Variants in RBFOX1 observed in about 807,000 individuals in gnomAD.
RBFOX1 encodes the protein RNA binding protein fox-1 homolog 1.
In RBFOX1, 8 loss-of-function variants were observed where a neutral mutation model predicts 57.7. The ratio of observed to expected loss-of-function variants is 0.14; its 90% confidence interval spans 0.08 to 0.25. The LOEUF (loss-of-function observed/expected upper bound fraction) is 0.25. Among genes scored for constraint, RBFOX1 ranks in the 10% least tolerant of loss-of-function variants. The pLI is 1.00. For missense variants in RBFOX1, 611 were observed against 548.5 expected, an observed-to-expected ratio of 1.11 and a Z score of -1.14; for synonymous variants, 326 against 222.4, an observed-to-expected ratio of 1.47 and a Z score of -4.15.
chr16:6,733,697 G>T (rs1350104778), intron 3 of RBFOX1, among the ~76,000 whole-genome samples: 1 of 152,102 alleles, frequency 6.6e-6, no homozygotes, highest in Non-Finnish European at 1.5e-5. Context: ...GGTTGAGGCT[G>T]CAGTGAACTG....
At chr16:5,696,154 A>G (rs1331379718) in intron 3 of RBFOX1, among the ~76,000 whole-genome samples, 1 of 152,140 alleles carries the variant, frequency 6.6e-6, no homozygotes, top group East Asian at 1.9e-4. Flanking sequence ...ATTATTTTAT[A>G]TTTGCTTCAG....
At chr16:6,796,209 C>A (rs979407206) in intron 3 of RBFOX1, among the ~76,000 whole-genome samples, 3 of 152,130 alleles carry the variant, frequency 2.0e-5, no homozygotes, top group Non-Finnish European at 4.4e-5. Flanking sequence ...ACCATCATAT[C>A]TGAAGAGACT....
intron 4 of RBFOX1, among the ~76,000 whole-genome samples, chr16:7,397,438 A>C (rs2098160525): frequency 6.6e-6 from 1 of 152,138 alleles, no homozygotes; most frequent in Admixed American, 6.5e-5. Context: ...CATACTTGTC[A>C]CATAGGGGGC....
intron 4 of RBFOX1, among the ~76,000 whole-genome samples, chr16:7,349,524 A>G (rs2097088224): frequency 1.6e-5 from 2 of 121,746 alleles, no homozygotes; most frequent in South Asian, 3.3e-4. Flanking sequence ...AGAAAATTTA[A>G]AAGACTTTTT....
At chr16:7,067,931 C>T (rs769248929) in intron 4 of RBFOX1, among the ~76,000 whole-genome samples, 1 of 150,514 alleles carries the variant, frequency 6.6e-6, no homozygotes, top group African/African-American at 2.5e-5. Context: ...GAGGGTCATT[C>T]CTAGTGTCTA....
At chr16:6,244,457 G>A (rs187694186) in intron 1 of RBFOX1, among the ~76,000 whole-genome samples, 148 of 152,214 alleles carry the variant, frequency 9.7e-4, no homozygotes, top group Non-Finnish European at 1.6e-3. Context: ...ACATCTAGCA[G>A]GTTTTACAGT....
intron 4 of RBFOX1, among the ~76,000 whole-genome samples, chr16:7,180,238 A>T (rs899890733): frequency 1.3e-5 from 2 of 152,182 alleles, no homozygotes; most frequent in Non-Finnish European, 2.9e-5. Context: ...ATAATTTTTA[A>T]ATGCGTTTTA....
At chr16:7,370,510 C>G (rs2097546934) in intron 4 of RBFOX1, among the ~76,000 whole-genome samples, 1 of 152,138 alleles carries the variant, frequency 6.6e-6, no homozygotes, top group African/African-American at 2.4e-5. Flanking sequence ...CTCACTTTCC[C>G]TTCTTCCCCC....
Position 5,906,231 on chromosome 16 carries a change from A to G in RBFOX1, c.351+38896A>G, listed in dbSNP as rs138636278. The stretch of plus-strand genomic sequence containing the variant: ...TGGAAATAGGGTTCTTGTAGATACA[A>G]TTAGTTAAGCTGAGGTCATCCGGGA... On this transcript the variant is annotated intron_variant, in intron 4 of 19. Transcript: ENST00000641259. Among the ~76,000 whole-genome samples, 306 of 152,308 alleles carry G rather than the reference A, an allele frequency of 2.0e-3. 2 individuals are homozygous for G. Among genetic ancestry groups the G allele is most frequent in the African/African-American group, 7.1e-3 (297 of 41,564 alleles).
intron 14 of RBFOX1, 94 bp from the exon 15 acceptor site, chr16:7,708,962 C>G (rs1411106923): frequency 1.8e-6 from 2 of 1,126,320 alleles, no homozygotes; most frequent in East Asian, 2.4e-5. Flanking sequence ...TGAGTAGGGC[C>G]CCTGCATACT....
At chr16:6,263,482 G>C (rs982056812) in intron 1 of RBFOX1, among the ~76,000 whole-genome samples, 4 of 152,152 alleles carry the variant, frequency 2.6e-5, no homozygotes, top group African/African-American at 9.7e-5. Flanking sequence ...GATTTGAACT[G>C]AGCAGTGCAG....
chr16:6,896,887 T>C (rs1246008126), intron 3 of RBFOX1, among the ~76,000 whole-genome samples: 2 of 152,038 alleles, frequency 1.3e-5, no homozygotes, highest in African/African-American at 4.8e-5. Flanking sequence ...GATTAGGGAA[T>C]TTAGGTGACA....
intron 3 of RBFOX1, among the ~76,000 whole-genome samples, chr16:6,763,664 G>C (rs1323479357): frequency 1.3e-5 from 2 of 152,160 alleles, no homozygotes; most frequent in Non-Finnish European, 2.9e-5. Context: ...TCCCAGCAAA[G>C]TATCGGGTCT....
chr16:6,165,244 AG>A (rs1567596611), intron 1 of RBFOX1, among the ~76,000 whole-genome samples: 8 of 152,318 alleles, frequency 5.3e-5, no homozygotes, highest in African/African-American at 1.9e-4. Flanking sequence ...CTTTACATAC[AG>A]CAAGTGCTTA....
chr16:7,677,724 C>A (rs1012727867), intron 14 of RBFOX1, among the ~76,000 whole-genome samples: 2 of 152,172 alleles, frequency 1.3e-5, no homozygotes, highest in African/African-American at 4.8e-5. Context: ...ATTGAGGGTG[C>A]TTATTTTGGT....
At chr16:6,819,665 A>G (rs142512629) in intron 3 of RBFOX1, among the ~76,000 whole-genome samples, 9,722 of 127,972 alleles carry the variant, frequency 0.076, 464 homozygotes, top group Non-Finnish European at 0.11. Flanking sequence ...GGATCAAGGC[A>G]TTGCATTCCA....
At chr16:7,424,899 G>A (rs565890600) in intron 4 of RBFOX1, among the ~76,000 whole-genome samples, 49 of 152,206 alleles carry the variant, frequency 3.2e-4, no homozygotes, top group African/African-American at 1.2e-3. Flanking sequence ...GGTAAAATTT[G>A]GAGCAGAATA....
At chr16:5,561,992 A>G (rs535904167) in intron 2 of RBFOX1, among the ~76,000 whole-genome samples, 15 of 152,230 alleles carry the variant, frequency 9.9e-5, no homozygotes, top group African/African-American at 2.9e-4. Flanking sequence ...CGCTCATCCA[A>G]TATGGTGCTA....
chr16:6,933,595 C>T (rs567142584), intron 3 of RBFOX1, among the ~76,000 whole-genome samples: 13 of 152,300 alleles, frequency 8.5e-5, no homozygotes, highest in African/African-American at 2.9e-4. Context: ...CACCTGTCAT[C>T]CCAGCTACTC....
Sources: gnomAD v4.1 joint callset for allele counts (sites outside exome capture counted in the v4.1 genomes callset) on GRCh38, gnomAD v4.1.1 for gene constraint, MANE v1.5 for transcripts, NCBI Gene and HGNC (gene_info 2026-07-23, HGNC 2026-07-21) for gene names.